Variants in LRRC49 observed in about 807,000 individuals in gnomAD.
LRRC49 encodes leucine rich repeat containing 49.
A neutral mutation model predicts 83.3 loss-of-function variants in LRRC49; 50 were observed. The observed-to-expected ratio is 0.60, with a 90% CI of 0.48 to 0.76. LRRC49 has a LOEUF of 0.76. LRRC49 is among the 30% of genes least tolerant of loss of function. The pLI, the probability that LRRC49 is intolerant of heterozygous loss-of-function variation, is 0.00. For missense variants in LRRC49, 704 were observed against 809.1 expected (o/e 0.87, Z 1.58); for synonymous variants, 286 against 283.3 (o/e 1.01, Z -0.10).
chr15:70,937,070 TA>T (rs2035625313), intron 8 of LRRC49, among the ~76,000 whole-genome samples: 1 of 152,244 alleles, frequency 6.6e-6, no homozygotes, highest in African/African-American at 2.4e-5. Context: ...TGCTCTTTTG[TA>T]AAACATGAGT....
At chr15:70,955,744 T>C (rs977740351) in intron 8 of LRRC49, among the ~76,000 whole-genome samples, 1 of 152,210 alleles carries the variant, frequency 6.6e-6, no homozygotes, top group South Asian at 2.1e-4. Context: ...TTGTTTTTTT[T>C]AGCAGATCAT....
Position 71,051,597 on chromosome 15 carries a change from G to T in LRRC49, c.*1985G>T, listed in dbSNP as rs894462657. The T allele has an allele frequency of 6.6e-6, 1 of 152,268 alleles. No individual in the cohort carries two copies. Among genetic ancestry groups the T allele is most frequent in the Non-Finnish European group, 1.5e-5 (1 of 68,108 alleles). The allele number at this position is 152,268 out of a possible 1,614,324, so 9.4% of individuals were successfully genotyped here. A position where few individuals can be genotyped will look rare whatever the true frequency, so the allele number is the denominator to read the frequency against. On this transcript the variant is annotated 3_prime_UTR_variant, in exon 16 of 16. Transcript: ENST00000260382. Reference sequence around the variant, plus strand: ...AACTTGTGACTCTTTGGGAGTCTGGGTAACTGTTCCCACTCTAGGCTTTGC... The same window carrying T: ...AACTTGTGACTCTTTGGGAGTCTGGTTAACTGTTCCCACTCTAGGCTTTGC...
chr15:70,925,250 A>C (rs745793474), intron 7 of LRRC49, among the ~76,000 whole-genome samples: 4 of 152,096 alleles, frequency 2.6e-5, no homozygotes, highest in Non-Finnish European at 4.4e-5. Flanking sequence ...AATGCATTTT[A>C]AAATATTACA....
At chr15:71,042,512 C>T (rs963056798) in intron 15 of LRRC49, among the ~76,000 whole-genome samples, 1 of 152,114 alleles carries the variant, frequency 6.6e-6, no homozygotes, top group African/African-American at 2.4e-5. Flanking sequence ...CTTGAAAGAC[C>T]TTGCTGAAGT....
intron 8 of LRRC49, among the ~76,000 whole-genome samples, chr15:70,943,989 G>T (rs1291254866): frequency 6.6e-6 from 1 of 152,058 alleles, no homozygotes; most frequent in African/African-American, 2.4e-5. Context: ...TATTTTTTTT[G>T]TTACGACAGT....
At chr15:70,921,413 T>A (rs2035001091) in intron 7 of LRRC49, among the ~76,000 whole-genome samples, 1 of 152,206 alleles carries the variant, frequency 6.6e-6, no homozygotes, top group African/African-American at 2.4e-5. Context: ...AGCTGAGGAT[T>A]TCTTTAGCCA....
intron 11 of LRRC49, among the ~76,000 whole-genome samples, chr15:71,002,939 CTTTTTTTTTT>C (rs35998597): frequency 2.1e-4 from 9 of 43,024 alleles, no homozygotes; most frequent in African/African-American, 7.2e-4. Flanking sequence ...ATTTTCTGGC[CTTTTTTTTTT>C]TTTTTTTTTT....
At chr15:70,860,058 C>G in intron 1 of LRRC49, 1 of 736,848 alleles carries the variant, frequency 1.4e-6, no homozygotes, top group South Asian at 1.4e-5. Flanking sequence ...GGCGCAGGCT[C>G]CAGCTCCTTC....
chr15:70,983,947 GTT>G lies in LRRC49; in HGVS notation c.1006-144_1006-143del, dbSNP rs2037496172. 1.6e-5 allele frequency: 9 copies of G among 574,524 alleles called. No individual in the cohort carries two copies. In the South Asian group the frequency reaches 2.0e-4, roughly 13 times the overall value. The allele number at this position is 574,524 out of a possible 1,614,324, so 35.6% of individuals were successfully genotyped here. A position where few individuals can be genotyped will look rare whatever the true frequency, so the allele number is the denominator to read the frequency against. ...AGTAAATACAGGCCTCTTGAATCTT[GTT>G]TTAGAATGTATTGGGTATCTACTTA... On this transcript the variant is annotated intron_variant, in intron 10 of 15. Coordinates refer to ENST00000260382, the MANE Select transcript of LRRC49 (RefSeq NM_017691.5).
At chr15:70,872,285 C>T (rs940819340) in intron 1 of LRRC49, among the ~76,000 whole-genome samples, 1 of 152,214 alleles carries the variant, frequency 6.6e-6, no homozygotes, top group African/African-American at 2.4e-5. Flanking sequence ...ATCCCAGGCA[C>T]TGGGCAGGCT....
intron 11 of LRRC49, among the ~76,000 whole-genome samples, chr15:70,999,456 T>A (rs1215220931): frequency 1.3e-5 from 2 of 152,188 alleles, no homozygotes; most frequent in Non-Finnish European, 2.9e-5. Flanking sequence ...TTTCAGAGAT[T>A]TTCTTAAATG....
intron 8 of LRRC49, among the ~76,000 whole-genome samples, chr15:70,948,671 T>A (rs746236122): frequency 1.8e-4 from 27 of 152,276 alleles, no homozygotes; most frequent in Non-Finnish European, 3.1e-4. Context: ...TGTTCCAGGC[T>A]CATCTTATAC....
intron 11 of LRRC49, among the ~76,000 whole-genome samples, chr15:70,988,776 G>A (rs994393550): frequency 3.0e-4 from 46 of 152,116 alleles, no homozygotes; most frequent in Admixed American, 9.8e-4. Flanking sequence ...GGCTGGTACC[G>A]GTTGTTCCTT....
chr15:70,893,649 T>A lies in LRRC49; in HGVS notation c.105+9T>A, dbSNP rs771004372. ...TTCCTGAAAAAAACAAAGTAAGATT[T>A]AAGAAGGTTGGCATTTAAATTGAAG... On this transcript the variant is annotated intron_variant, in intron 2 of 15. Transcript: ENST00000260382. 10 of 1,604,742 alleles carry A rather than the reference T, an allele frequency of 6.2e-6. No individual in the cohort carries two copies. In the Admixed American group the frequency reaches 1.7e-4, roughly 27 times the overall value.
intron 11 of LRRC49, among the ~76,000 whole-genome samples, chr15:70,996,758 A>G (rs951049900): frequency 1.3e-5 from 2 of 152,088 alleles, no homozygotes; most frequent in African/African-American, 4.8e-5. Context: ...TTGCAAGATG[A>G]GTCTATCCTT....
At chr15:70,919,241 G>T in intron 7 of LRRC49, 48 bp downstream of exon 7, 2 of 1,481,998 alleles carry the variant, frequency 1.3e-6, no homozygotes, top group South Asian at 1.4e-5. Context: ...TTTCTTTCAA[G>T]GAATTGAAAC....
intron 14 of LRRC49, among the ~76,000 whole-genome samples, chr15:71,019,881 A>G (rs1359611156): frequency 6.6e-6 from 1 of 152,226 alleles, no homozygotes; most frequent in Non-Finnish European, 1.5e-5. Context: ...CCTCATGGCT[A>G]ATTTTTAAGG....
intron 6 of LRRC49, among the ~76,000 whole-genome samples, chr15:70,915,307 A>G (rs1182894973): frequency 6.6e-6 from 1 of 152,226 alleles, no homozygotes; most frequent in Admixed American, 6.5e-5. Context: ...ACTAGAAGGT[A>G]ACTAAATGCA....
intron 7 of LRRC49, among the ~76,000 whole-genome samples, chr15:70,930,839 G>A (rs1422197027): frequency 6.6e-6 from 1 of 152,182 alleles, no homozygotes; most frequent in Admixed American, 6.5e-5. Context: ...CTTTTCTTCT[G>A]CAGCTTCCTT....
Sources: allele counts gnomAD v4.1 joint callset (sites outside exome capture counted in the v4.1 genomes callset), GRCh38; gene constraint gnomAD v4.1.1; transcripts MANE v1.5; gene names NCBI Gene and HGNC (gene_info 2026-07-23, HGNC 2026-07-21).